The following DOCK1 variants were observed in gnomAD, a reference collection of about 807,000 sequenced individuals.
DOCK1 encodes dedicator of cytokinesis protein 1.
DOCK1 carries 138 observed loss-of-function variants against 262.7 expected under a neutral mutation model. That is an observed-to-expected ratio of 0.53 (90% CI 0.46 to 0.61). DOCK1 has a LOEUF of 0.61. Among genes scored for constraint, DOCK1 ranks in the 20% least tolerant of loss-of-function variants. The probability of loss-of-function intolerance (pLI) is 0.00; values close to 1 mark genes in which losing one functional copy is unlikely to be tolerated. For synonymous variants in DOCK1, 866 were observed against 867.4 expected (o/e 1.00, Z 0.03); for missense variants, 1,908 against 2,370.7 (o/e 0.80, Z 4.05).
chr10:126,970,334 T>G (rs1368244315), intron 1 of DOCK1, among the ~76,000 whole-genome samples: 2 of 152,228 alleles, frequency 1.3e-5, no homozygotes, highest in Admixed American at 1.3e-4. Flanking sequence ...GATAATTTTT[T>G]TATTAATTTG....
intron 49 of DOCK1, 52 bp downstream of exon 49, chr10:127,439,277 C>T: frequency 6.4e-7 from 1 of 1,550,946 alleles, no homozygotes; most frequent in Non-Finnish European, 8.7e-7. Flanking sequence ...AGGGACCTAC[C>T]TTTGCCCCAC....
At chr10:126,917,348 A>T (rs1039512632) in intron 1 of DOCK1, among the ~76,000 whole-genome samples, 1 of 152,122 alleles carries the variant, frequency 6.6e-6, no homozygotes, top group African/African-American at 2.4e-5. Context: ...GTATTTTTTC[A>T]CAGCTCAACC....
chr10:127,411,937 G>A (rs2067876922), intron 43 of DOCK1, among the ~76,000 whole-genome samples: 1 of 152,106 alleles, frequency 6.6e-6, no homozygotes. Flanking sequence ...CATCTTTAGA[G>A]CCTTTTTTCT....
At chr10:126,943,404 C>G (rs2035165553) in intron 1 of DOCK1, among the ~76,000 whole-genome samples, 1 of 152,144 alleles carries the variant, frequency 6.6e-6, no homozygotes. Flanking sequence ...ACTGGTTGAC[C>G]TGAGGCAAGT....
intron 2 of DOCK1, among the ~76,000 whole-genome samples, chr10:126,977,344 C>G (rs765727218): frequency 6.6e-6 from 1 of 152,088 alleles, no homozygotes. Context: ...TTGGAAGGAG[C>G]GAGAAGTGGA....
chr10:127,065,531 C>T (rs890203730), intron 23 of DOCK1, among the ~76,000 whole-genome samples: 4 of 152,098 alleles, frequency 2.6e-5, no homozygotes, highest in African/African-American at 9.7e-5. Context: ...TCTTGAAGAC[C>T]CTGCTGCCAG....
intron 33 of DOCK1, among the ~76,000 whole-genome samples, chr10:127,368,152 G>A (rs542422725): frequency 9.9e-5 from 15 of 152,192 alleles, no homozygotes; most frequent in African/African-American, 3.4e-4. Flanking sequence ...GAGACCTTCC[G>A]TCTGGAGGCC....
chr10:127,396,313 G>A (rs2066840441), intron 38 of DOCK1, among the ~76,000 whole-genome samples: 1 of 152,156 alleles, frequency 6.6e-6, no homozygotes, highest in Admixed American at 6.5e-5. Context: ...CCTGTGCCCT[G>A]GATCCCCCTA....
Position 127,362,013 on chromosome 10 carries a change from T to A in DOCK1, c.3284-51T>A, listed in dbSNP as rs1451556178. 4 of 1,526,258 alleles carry A rather than the reference T, an allele frequency of 2.6e-6. No homozygotes were observed. The African/African-American group carries it at 5.5e-5, about 21-fold the overall frequency. 94.5% of individuals were successfully genotyped at this position (1,526,258 alleles called of 1,614,324 possible). On this transcript the variant is annotated intron_variant, in intron 32 of 51. Coordinates refer to ENST00000623213, the MANE Select transcript of DOCK1 (RefSeq NM_001290223.2). ...GTTGTTTTATCCATTTAAGCCCATT[T>A]TAGAATTCTATTTTTCTTTATTTCT...
chr10:127,407,487 C>G (rs2067584408), intron 40 of DOCK1, among the ~76,000 whole-genome samples: 1 of 152,200 alleles, frequency 6.6e-6, no homozygotes, highest in Admixed American at 6.5e-5. Context: ...GTTTCAACAT[C>G]TGAATTTTGG....
rs777117151 is a variant in DOCK1, at chr10:126,999,400, A to C, written c.814A>C (p.Ile272Leu). The change falls in exon 9 of 52, where the codon ATA becomes CTA. Residue 272 changes from isoleucine (I) to leucine (L), a missense_variant. Physicochemically the swap from Ile to Leu is conservative, Grantham distance 5. Transcript: ENST00000623213. ...RWSSSGLPKD[I>L]DRLHNLRAVF... Reference sequence around the variant, plus strand: ...GTCCAGTTCAGGATTACCTAAAGACATAGACAGATTACATAATTTGCGAGC... The same window carrying C: ...GTCCAGTTCAGGATTACCTAAAGACCTAGACAGATTACATAATTTGCGAGC... 1.5e-4 allele frequency: 243 copies of C among 1,613,464 alleles called. 4 individuals are homozygous for C. In the South Asian group the frequency reaches 2.5e-3, roughly 17 times the overall value.
intron 38 of DOCK1, among the ~76,000 whole-genome samples, chr10:127,385,833 A>G (rs547087798): frequency 6.6e-6 from 1 of 152,272 alleles, no homozygotes; most frequent in African/African-American, 2.4e-5. Flanking sequence ...CTCCGTCATC[A>G]CAGGCCTTCT....
chr10:127,188,956 G>A (rs892894163), intron 27 of DOCK1, among the ~76,000 whole-genome samples: 1 of 152,224 alleles, frequency 6.6e-6, no homozygotes. Flanking sequence ...CTGGCCTGGA[G>A]CCTGTTACCG....
intron 27 of DOCK1, among the ~76,000 whole-genome samples, chr10:127,158,696 A>G (rs1044761654): frequency 2.6e-5 from 4 of 152,228 alleles, no homozygotes; most frequent in Admixed American, 1.3e-4. Context: ...GAAAAGTTCT[A>G]GTCTTCATTT....
chr10:127,199,007 T>C (rs1431227508), intron 27 of DOCK1, among the ~76,000 whole-genome samples: 3 of 151,738 alleles, frequency 2.0e-5, no homozygotes, highest in African/African-American at 7.3e-5. Context: ...ATAGATGGGA[T>C]GTAGGCATAT....
chr10:127,302,954 A>C (rs937538402), intron 29 of DOCK1, among the ~76,000 whole-genome samples: 1 of 152,156 alleles, frequency 6.6e-6, no homozygotes, highest in African/African-American at 2.4e-5. Context: ...CACCTGTGTG[A>C]CATTAAATTT....
chr10:127,256,742 C>T (rs1167692236), intron 28 of DOCK1, among the ~76,000 whole-genome samples: 1 of 152,202 alleles, frequency 6.6e-6, no homozygotes, highest in Non-Finnish European at 1.5e-5. Context: ...ACAGCATCAT[C>T]TAAGACATCA....
In DOCK1 at chr10:127,384,803, T is replaced by A; in HGVS notation, c.3821T>A (p.Val1274Glu). 6.3e-7 allele frequency: 1 copy of A among 1,590,192 alleles called. No homozygotes were observed. Among genetic ancestry groups the A allele is most frequent in the South Asian group, 1.2e-5 (1 of 86,786 alleles). The stretch of plus-strand genomic sequence containing the variant: ...CTTCTCCCTTAGTGGTCGGAGGATG[T>A]GTGTGTGGCCCACCTCACCCAGCGG... ...HAKLLKWSED[V>E]CVAHLTQRDG... Residue 1274 changes from valine to glutamate, a missense_variant, in exon 38 of 52, where the codon GTG (valine) becomes GAG (glutamate). This residue lies in a region of DOCK1 where 267 missense variants were observed against 366.3 expected (regional missense o/e 0.73). Coordinates refer to ENST00000623213, the MANE Select transcript of DOCK1 (RefSeq NM_001290223.2).
rs753198020 is a variant in DOCK1 at position 127,012,245 on chromosome 10, G to A, written c.1072G>A (p.Asp358Asn). ...CGTGCCCTCCAGGCTCGCGTTGGAC[G>A]ACGCCATTCGACACAAGCCGCTGAA... ...FIPFQPLALD[D>N]AIRHKPLNMS... Residue 358 changes from aspartate to asparagine, a missense_variant, in exon 12 of 52, where the codon GAC (aspartate) becomes AAC (asparagine). By Grantham distance (23) the Asp-to-Asn change is conservative (BLOSUM62 1). Around this residue, in one of 9 missense-constraint regions of DOCK1, gnomAD observed 102 missense variants for 154.9 expected, o/e 0.66. Coordinates refer to ENST00000623213, the MANE Select transcript of DOCK1 (RefSeq NM_001290223.2). The surrounding 1 kb of genome is among the most constrained non-coding windows in gnomAD (Gnocchi z 4.0). The A allele has an allele frequency of 2.7e-5, 43 of 1,601,160 alleles. No homozygotes were observed. The highest frequency in any genetic ancestry group is 3.5e-5 in the Non-Finnish European group (41 of 1,168,476).
Sources: allele counts gnomAD v4.1 joint callset (sites outside exome capture counted in the v4.1 genomes callset), GRCh38; gene constraint gnomAD v4.1.1; regional missense constraint gnomAD v4.1.1; non-coding constraint Gnocchi (gnomAD v3.1); transcripts MANE v1.5; gene names NCBI Gene and HGNC (gene_info 2026-07-23, HGNC 2026-07-21).